ARHGEF9: variants seen among roughly 807,000 people sequenced by gnomAD.
ARHGEF9 encodes the protein rho guanine nucleotide exchange factor 9.
ARHGEF9 carries 2 observed loss-of-function variants against 41.3 expected under a neutral mutation model. That is an observed-to-expected ratio of 0.05 (90% CI 0.02 to 0.15). The LOEUF is 0.15. Among genes scored for constraint, ARHGEF9 ranks in the 10% least tolerant of loss-of-function variants. The pLI, the probability that ARHGEF9 is intolerant of heterozygous loss-of-function variation, is 1.00. For synonymous variants in ARHGEF9, 160 were observed against 154.4 expected (o/e 1.04, Z -0.27); for missense variants, 225 against 424.7 (o/e 0.53, Z 4.13).
intron 1 of ARHGEF9, among the ~76,000 whole-genome samples, chrX:63,728,653 TG>T (rs1556418554): frequency 8.9e-6 from 1 of 111,831 alleles, no homozygotes; most frequent in Non-Finnish European, 1.9e-5. Context: ...ATCTGCAAAA[TG>T]GGGGTAATAA....
At chrX:63,656,060 C>T (rs782026451) in intron 7 of ARHGEF9, among the ~76,000 whole-genome samples, 2 of 111,773 alleles carry the variant, frequency 1.8e-5, no homozygotes, top group Non-Finnish European at 3.8e-5. Flanking sequence ...TTCTCCTTTT[C>T]GAAAACATCA....
At chrX:63,665,061 C>A (rs1207160913) in intron 7 of ARHGEF9, among the ~76,000 whole-genome samples, 1 of 112,393 alleles carries the variant, frequency 8.9e-6, no homozygotes, top group Non-Finnish European at 1.9e-5. Context: ...TCACTCTAAG[C>A]ATTCTGGTTT....
intron 1 of ARHGEF9, among the ~76,000 whole-genome samples, chrX:63,764,201 A>C (rs1447665116): frequency 8.9e-6 from 1 of 112,952 alleles, no homozygotes; most frequent in Non-Finnish European, 1.9e-5. Flanking sequence ...TCATGTGACC[A>C]ACAAACATAT....
At chrX:63,703,268 A>G (rs1305871215) in intron 3 of ARHGEF9, 5 of 112,264 alleles carry the variant, frequency 4.5e-5, no homozygotes, top group Non-Finnish European at 5.6e-5. Flanking sequence ...AAGCAGGATC[A>G]TATCACCCCC....
chrX:63,783,757 A>G (rs2056418922), intron 1 of ARHGEF9, among the ~76,000 whole-genome samples: 1 of 110,358 alleles, frequency 9.1e-6, no homozygotes, highest in South Asian at 3.9e-4. Context: ...AGTCTCTCCC[A>G]CTCTCTGGAT....
chrX:63,738,261 G>A (rs1771197207), intron 1 of ARHGEF9, among the ~76,000 whole-genome samples: 1 of 112,201 alleles, frequency 8.9e-6, no homozygotes, highest in Non-Finnish European at 1.9e-5. Flanking sequence ...ATTCATATTT[G>A]TTTATACATC....
chrX:63,683,165 A>C (rs1556371468), intron 4 of ARHGEF9, among the ~76,000 whole-genome samples: 1 of 111,534 alleles, frequency 9.0e-6, no homozygotes, highest in Non-Finnish European at 1.9e-5. Flanking sequence ...ACAAAAAAAA[A>C]ATCAGTGTAC....
intron 1 of ARHGEF9, among the ~76,000 whole-genome samples, chrX:63,774,691 G>A (rs782288461): frequency 9.0e-6 from 1 of 111,662 alleles, no homozygotes; most frequent in Non-Finnish European, 1.9e-5. Context: ...CTATGTGAAA[G>A]GCTGTAAAAA....
At chrX:63,737,584 G>A (rs1387308748) in intron 1 of ARHGEF9, among the ~76,000 whole-genome samples, 1 of 112,396 alleles carries the variant, frequency 8.9e-6, no homozygotes, top group Non-Finnish European at 1.9e-5. Flanking sequence ...TGGCTTTTGG[G>A]TTCCACTGGC....
intron 1 of ARHGEF9, among the ~76,000 whole-genome samples, chrX:63,780,501 A>G (rs1482070220): frequency 9.0e-6 from 1 of 111,442 alleles, no homozygotes; most frequent in Non-Finnish European, 1.9e-5. Context: ...ACAAGAGTAC[A>G]CTAGCTATAG....
intron 8 of ARHGEF9, among the ~76,000 whole-genome samples, chrX:63,645,306 C>A (rs1380380557): frequency 9.1e-6 from 1 of 109,523 alleles, no homozygotes; most frequent in Non-Finnish European, 1.9e-5. Flanking sequence ...TATACATGTG[C>A]CATGTTGGTG....
chrX:63,665,875 G>T lies in ARHGEF9; in HGVS notation c.1077+11C>A, dbSNP rs1556347159. The T allele has an allele frequency of 2.8e-5, 34 of 1,209,750 alleles. No individual in the cohort carries two copies. The highest frequency in any genetic ancestry group is 3.8e-5 in the Non-Finnish European group (34 of 894,652). On this transcript the variant is annotated intron_variant, in intron 7 of 9. Transcript: ENST00000671741. ...ACCCATCTCCCTCAGGGAAGAAGGG[G>T]GCAGGGTTACCTTCTTGCAGAGGAC...
At chrX:63,672,497 C>T (rs1195536657) in intron 6 of ARHGEF9, among the ~76,000 whole-genome samples, 3 of 110,647 alleles carry the variant, frequency 2.7e-5, no homozygotes, top group African/African-American at 9.9e-5. Flanking sequence ...GCAGGAAATT[C>T]CTTCTGAGAT....
intron 1 of ARHGEF9, among the ~76,000 whole-genome samples, chrX:63,738,160 A>T (rs1443570134): frequency 7.9e-4 from 89 of 112,078 alleles, no homozygotes; most frequent in African/African-American, 2.9e-3. Context: ...AAAAGGTGAA[A>T]TTCAATGAAG....
At chrX:63,660,618 G>C (rs1471884132) in intron 7 of ARHGEF9, among the ~76,000 whole-genome samples, 1 of 112,083 alleles carries the variant, frequency 8.9e-6, no homozygotes, top group Non-Finnish European at 1.9e-5. Flanking sequence ...TTTGGGTTCA[G>C]GCTGTCCAGC....
chrX:63,646,846 T>G, intron 8 of ARHGEF9, among the ~76,000 whole-genome samples: 1 of 112,083 alleles, frequency 8.9e-6, no homozygotes, highest in East Asian at 2.8e-4. Flanking sequence ...ACAATATTGA[T>G]TCTTCCTACC....
At chrX:63,761,535 A>G (rs2056034034) in intron 1 of ARHGEF9, among the ~76,000 whole-genome samples, 2 of 111,790 alleles carry the variant, frequency 1.8e-5, no homozygotes, top group African/African-American at 3.3e-5. Flanking sequence ...CTTGTTATGG[A>G]AAGTATTCTC....
chrX:63,710,829 G>A (rs1353764362), intron 2 of ARHGEF9, among the ~76,000 whole-genome samples: 1 of 110,701 alleles, frequency 9.0e-6, no homozygotes, highest in African/African-American at 3.3e-5. Context: ...GAAGGTTCTA[G>A]CCAGAGCAAT....
At chrX:63,741,213 C>T (rs1482322338) in intron 1 of ARHGEF9, among the ~76,000 whole-genome samples, 1 of 112,467 alleles carries the variant, frequency 8.9e-6, no homozygotes, top group African/African-American at 3.2e-5. Context: ...TTGATCAATC[C>T]CAATTTGTGT....
Sources: allele counts gnomAD v4.1 joint callset (sites outside exome capture counted in the v4.1 genomes callset), GRCh38; gene constraint gnomAD v4.1.1; transcripts MANE v1.5; gene names NCBI Gene and HGNC (gene_info 2026-07-23, HGNC 2026-07-21).